BCOR: variants seen among roughly 807,000 people sequenced by gnomAD.
BCOR encodes BCL6 corepressor.
A neutral mutation model predicts 86.7 loss-of-function variants in BCOR; 10 were observed. The ratio of observed to expected loss-of-function variants is 0.12; its 90% CI spans 0.07 to 0.20. The LOEUF is 0.20. Among genes scored for constraint, BCOR ranks in the 10% least tolerant of loss-of-function variants. The pLI is 1.00. For synonymous variants in BCOR, 611 were observed against 609.0 expected (o/e 1.00, Z -0.05); for missense variants, 1,259 against 1,452.1 (o/e 0.87, Z 2.16).
Position 40,057,283 on chromosome X carries a change from A to G in BCOR, c.4467T>C (p.Asp1489=). Residue 1489 remains aspartate (D), a synonymous_variant, in exon 11 of 15, where the codon GAT becomes GAC. Coordinates refer to ENST00000378444, the MANE Select transcript of BCOR (RefSeq NM_001123385.2). ...AACCTGCGTTGTCCCGATGATTTACATCACAAATCTTGTTCTCTAAGCAGT... is the reference window on the plus strand; with the variant it reads ...AACCTGCGTTGTCCCGATGATTTACGTCACAAATCTTGTTCTCTAAGCAGT... ...VLYCLENKIC[D]VNHRDNAGYC... The G allele has an allele frequency of 8.3e-7, 1 of 1,211,924 alleles. No homozygotes were observed. Among genetic ancestry groups the G allele is most frequent in the South Asian group, 1.8e-5 (1 of 56,941 alleles).
intron 1 of BCOR, among the ~76,000 whole-genome samples, chrX:40,089,649 C>T (rs2147575458): frequency 9.0e-6 from 1 of 111,611 alleles, no homozygotes; most frequent in South Asian, 3.8e-4. Flanking sequence ...CTTTCCCTTC[C>T]TCCAGTACCC....
At chrX:40,084,948 T>C (rs771649169) in intron 1 of BCOR, among the ~76,000 whole-genome samples, 1 of 111,508 alleles carries the variant, frequency 9.0e-6, no homozygotes, top group African/African-American at 3.3e-5. Flanking sequence ...CAAGGAACAA[T>C]AGGAATCCCA....
At chrX:40,054,713 G>C (rs933361972) in intron 12 of BCOR, among the ~76,000 whole-genome samples, 1 of 112,251 alleles carries the variant, frequency 8.9e-6, no homozygotes, top group African/African-American at 3.2e-5. Context: ...ATGTTGGCCA[G>C]GTTGGTCTTG....
At position 40,097,380 on chromosome X, in the gene BCOR, C is replaced by A. The variant is rs1381661259; in HGVS notation, c.-206G>T. On this transcript the variant is annotated 5_prime_UTR_variant, in exon 1 of 15. Transcript: ENST00000378444. ...GCGACGTTAACGAGCGGAGAAGGAG[C>A]CGGGCCGGAGAAGCGCGGCGAGCAG... is the stretch of plus-strand genomic sequence containing the variant. The A allele has an allele frequency of 8.1e-5, 9 of 110,596 alleles. No individual in the cohort carries two copies. The highest frequency in any genetic ancestry group is 3.0e-4 in the African/African-American group (9 of 30,478). The allele number at this position is 110,596 out of a possible 1,213,427, so 9.1% of individuals were successfully genotyped here.
In BCOR at chrX:40,053,931, G is replaced by A. The variant is rs780610123; in HGVS notation, c.4931C>T (p.Thr1644Ile). The A allele has an allele frequency of 4.6e-5, 56 of 1,209,120 alleles. No homozygotes were observed. The Admixed American group carries it at 1.2e-3, about 26-fold the overall frequency. ...GATGTTATAACACGGTAAGAGGGGG[G>A]TCTCTGAAAATTCAAATTCAAACAC... Reference protein sequence around the residue: ...SDVFEFEFSETPLLPCYNIQV... With the variant: ...SDVFEFEFSEIPLLPCYNIQV... Residue 1644 changes from threonine to isoleucine, a missense_variant, in exon 14 of 15, where the codon ACC becomes ATC. Coordinates refer to ENST00000378444, the MANE Select transcript of BCOR (RefSeq NM_001123385.2).
intron 1 of BCOR, among the ~76,000 whole-genome samples, chrX:40,104,889 G>T (rs1487799793): frequency 8.9e-6 from 1 of 111,874 alleles, no homozygotes; most frequent in South Asian, 3.6e-4. Context: ...TTCCCCTCGG[G>T]CGAGCCGCCT....
At chrX:40,059,471 C>T (rs185651292) in intron 10 of BCOR, among the ~76,000 whole-genome samples, 5 of 112,446 alleles carry the variant, frequency 4.4e-5, no homozygotes, top group African/African-American at 9.7e-5. Flanking sequence ...CAGCCATGAC[C>T]GGCATCCCTT....
intron 1 of BCOR, among the ~76,000 whole-genome samples, chrX:40,121,922 T>C (rs936413006): frequency 2.7e-5 from 3 of 112,251 alleles, no homozygotes; most frequent in Non-Finnish European, 5.6e-5. Flanking sequence ...TTCCAGATCC[T>C]CTCTGGTCTC....
intron 1 of BCOR, among the ~76,000 whole-genome samples, chrX:40,081,217 G>C (rs1936093625): frequency 9.0e-6 from 1 of 111,628 alleles, no homozygotes; most frequent in Non-Finnish European, 1.9e-5. Context: ...GGGTGACAAA[G>C]AGCAGTCCAA....
At chrX:40,060,377 C>G (rs190475902) in intron 10 of BCOR, among the ~76,000 whole-genome samples, 40 of 112,341 alleles carry the variant, frequency 3.6e-4, no homozygotes, top group African/African-American at 1.3e-3. Context: ...GGCCTGGTAG[C>G]CTAAGAAAGC....
At chrX:40,141,023 G>A (rs1937912223) in intron 1 of BCOR, among the ~76,000 whole-genome samples, 1 of 112,639 alleles carries the variant, frequency 8.9e-6, no homozygotes, top group Admixed American at 9.3e-5. Flanking sequence ...GGGAAGCTCT[G>A]GGTGAAGGGA....
chrX:40,094,269 G>T (rs1354084370), intron 1 of BCOR, among the ~76,000 whole-genome samples: 1 of 112,244 alleles, frequency 8.9e-6, no homozygotes, highest in African/African-American at 3.2e-5. Context: ...TCCTTCAGCC[G>T]GGAGGGAGCC....
chrX:40,096,685 GC>G (rs1936892718), intron 1 of BCOR, among the ~76,000 whole-genome samples: 1 of 112,214 alleles, frequency 8.9e-6, no homozygotes, highest in Non-Finnish European at 1.9e-5. Flanking sequence ...GGAACGACCG[GC>G]CCCCGGAGAG....
intron 1 of BCOR, among the ~76,000 whole-genome samples, chrX:40,095,233 C>A (rs1434061370): frequency 1.8e-5 from 2 of 112,123 alleles, no homozygotes; most frequent in Non-Finnish European, 3.8e-5. Flanking sequence ...GATAACAGGT[C>A]GAGAGAGGAG....
In BCOR at chrX:40,071,154, T is replaced by C; in HGVS notation, c.3057A>G (p.Ala1019=). The part of the protein sequence containing the change: ...LCLPAAYCER[A]MMRFSELEMK... ...TCTCCAACTCTGAGAAGCGCATCAT[T>C]GCACGCTAGAAAGAGAACGGAGATG... is the stretch of plus-strand genomic sequence containing the variant. Residue 1019 remains alanine, a synonymous_variant, in exon 6 of 15, where the codon GCA becomes GCG. Coordinates refer to ENST00000378444, the MANE Select transcript of BCOR (RefSeq NM_001123385.2). 2 of 1,202,098 alleles carry C rather than the reference T, an allele frequency of 1.7e-6. No individual in the cohort carries two copies. The highest frequency in any genetic ancestry group is 2.2e-6 in the Non-Finnish European group (2 of 889,681).
At chrX:40,152,916 A>T (rs1219118842) in intron 1 of BCOR, among the ~76,000 whole-genome samples, 1 of 113,152 alleles carries the variant, frequency 8.8e-6, no homozygotes, top group African/African-American at 3.2e-5. Flanking sequence ...GGGAGGAGAC[A>T]GGGAGACTTC....
At chrX:40,109,993 C>G (rs1015325667) in intron 1 of BCOR, among the ~76,000 whole-genome samples, 1 of 112,168 alleles carries the variant, frequency 8.9e-6, no homozygotes, top group Non-Finnish European at 1.9e-5. Context: ...TCCCCGGGCC[C>G]GTTCTTTTGT....
At chrX:40,079,504 T>C (rs1935978449) in intron 1 of BCOR, among the ~76,000 whole-genome samples, 1 of 111,501 alleles carries the variant, frequency 9.0e-6, no homozygotes. Flanking sequence ...CCCATCCCCA[T>C]AGAACAACGT....
In BCOR at chrX:40,062,516, T is replaced by C. The variant is rs1934940586; in HGVS notation, c.4174-123A>G. ...GAGGCACTTTATTCCTTATCTTTTT[T>C]TGGGGGTGGGGGGTGCCTGTCAAAG... On this transcript the variant is annotated intron_variant, in intron 9 of 14. Transcript: ENST00000378444. The C allele has an allele frequency of 5.2e-6, 5 of 964,886 alleles. No homozygotes were observed. In the East Asian group the frequency reaches 1.4e-4, roughly 26 times the overall value. The allele number at this position is 964,886 out of a possible 1,213,427, so 79.5% of individuals were successfully genotyped here.
Sources: gnomAD v4.1 joint callset for allele counts (sites outside exome capture counted in the v4.1 genomes callset) on GRCh38, gnomAD v4.1.1 for gene constraint, MANE v1.5 for transcripts, NCBI Gene and HGNC (gene_info 2026-07-23, HGNC 2026-07-21) for gene names.